Variants in RAD51B observed in about 807,000 individuals in gnomAD.
RAD51B encodes the protein DNA repair protein RAD51 homolog 2.
RAD51B carries 38 observed loss-of-function variants against 42.2 expected under a neutral mutation model. The observed-to-expected ratio is 0.90, with a 90% CI of 0.70 to 1.18. The LOEUF (loss-of-function observed/expected upper bound fraction) is 1.18, where lower values mean the gene tolerates loss of function less well. RAD51B is among the 50% of genes most tolerant of loss of function. The probability of loss-of-function intolerance (pLI) is 0.00; values close to 1 mark genes in which losing one functional copy is unlikely to be tolerated. For missense variants in RAD51B, 373 were observed against 400.7 expected, an observed-to-expected ratio of 0.93 and a Z score of 0.59; for synonymous variants, 154 against 145.2, an observed-to-expected ratio of 1.06 and a Z score of -0.43.
chr14:67,836,206 A>G (rs1240814240), intron 4 of RAD51B, among the ~76,000 whole-genome samples: 1 of 152,094 alleles, frequency 6.6e-6, no homozygotes, highest in East Asian at 1.9e-4. Flanking sequence ...GGGCTGTAGG[A>G]TCTGTTTCTG....
intron 10 of RAD51B, among the ~76,000 whole-genome samples, chr14:68,471,696 A>AG (rs1364845812): frequency 6.7e-6 from 1 of 150,080 alleles, no homozygotes; most frequent in Non-Finnish European, 1.5e-5. Context: ...CCTTTTGCAA[A>AG]AAAAAAAAAA....
intron 7 of RAD51B, among the ~76,000 whole-genome samples, chr14:67,995,455 C>G (rs1485580825): frequency 2.0e-5 from 3 of 152,098 alleles, no homozygotes; most frequent in Non-Finnish European, 4.4e-5. Flanking sequence ...ACTAAGTCAT[C>G]TACTCCACAT....
intron 7 of RAD51B, among the ~76,000 whole-genome samples, chr14:67,955,878 G>T (rs2074536968): frequency 1.3e-5 from 2 of 152,202 alleles, no homozygotes; most frequent in African/African-American, 2.4e-5. Context: ...ATGAAGATGG[G>T]ATTGGGGTAG....
rs17105024 is a variant in RAD51B, at chr14:68,135,669, C to A, written c.757-156215C>A. ...GAATCTTCCTCATTCATCCAAAACGCAACATGTCCAAATCTTAGTGAATGC... is the reference window on the plus strand; with the variant it reads ...GAATCTTCCTCATTCATCCAAAACGAAACATGTCCAAATCTTAGTGAATGC... On this transcript the variant is annotated intron_variant, in intron 7 of 10. Coordinates refer to ENST00000471583, the MANE Select transcript of RAD51B (RefSeq NM_133510.4). 2.6e-3 allele frequency among the ~76,000 whole-genome samples: 391 copies of A among 152,296 alleles called. 2 individuals carry two copies. Among genetic ancestry groups the A allele is most frequent in the African/African-American group, 9.1e-3 (378 of 41,560 alleles).
At chr14:68,395,374 AG>A (rs1008909688) in intron 8 of RAD51B, among the ~76,000 whole-genome samples, 4 of 152,002 alleles carry the variant, frequency 2.6e-5, no homozygotes, top group Non-Finnish European at 5.9e-5. Context: ...TGTCTTGTGG[AG>A]GGGGTAGTCT....
At chr14:68,608,242 C>G (rs1231125674) in intron 10 of RAD51B, among the ~76,000 whole-genome samples, 2 of 152,368 alleles carry the variant, frequency 1.3e-5, no homozygotes, top group Non-Finnish European at 2.9e-5. Context: ...CAACTCCAAA[C>G]TGAAGCTCAC....
At chr14:68,513,289 G>A (rs1184513960) in intron 10 of RAD51B, among the ~76,000 whole-genome samples, 1 of 152,244 alleles carries the variant, frequency 6.6e-6, no homozygotes, top group African/African-American at 2.4e-5. Flanking sequence ...TGCTTCCAGT[G>A]GGAACTGTTG....
chr14:67,993,248 A>C (rs35092949), intron 7 of RAD51B, among the ~76,000 whole-genome samples: 1,572 of 152,166 alleles, frequency 0.01, 26 homozygotes, highest in African/African-American at 0.036. Context: ...ATTGTAAACT[A>C]TACTCACCCT....
intron 4 of RAD51B, among the ~76,000 whole-genome samples, chr14:67,864,606 T>G (rs1288352928): frequency 6.6e-6 from 1 of 152,216 alleles, no homozygotes; most frequent in Non-Finnish European, 1.5e-5. Flanking sequence ...CAACCATTTA[T>G]TAAAGACTCT....
chr14:68,405,443 TA>T (rs372092943), intron 8 of RAD51B, among the ~76,000 whole-genome samples: 5,260 of 151,762 alleles, frequency 0.035, 109 homozygotes, highest in African/African-American at 0.044. Flanking sequence ...ACCCTTTCTC[TA>T]AAAAAAAATT....
chr14:68,627,579 C>A (rs1892117160), intron 10 of RAD51B, among the ~76,000 whole-genome samples: 1 of 152,186 alleles, frequency 6.6e-6, no homozygotes, highest in Non-Finnish European at 1.5e-5. Context: ...TCTCACCCAT[C>A]TGAATAATTC....
chr14:68,123,167 TTTCTTTTC>T (rs966180878), intron 7 of RAD51B, among the ~76,000 whole-genome samples: 1 of 151,906 alleles, frequency 6.6e-6, no homozygotes, highest in African/African-American at 2.4e-5. Flanking sequence ...GGAATGATCT[TTTCTTTTC>T]TTTTTTTCTT....
downstream of RAD51B, chr14:68,611,597 C>T (rs1225950306): frequency 2.7e-6 from 1 of 371,706 alleles, no homozygotes; most frequent in Non-Finnish European, 5.0e-6. Flanking sequence ...AACAAATCAA[C>T]AAATTAGTGT....
chr14:68,026,523 G>A (rs2075959355), intron 7 of RAD51B, among the ~76,000 whole-genome samples: 1 of 151,938 alleles, frequency 6.6e-6, no homozygotes, highest in Admixed American at 6.6e-5. Context: ...ATGAATCTCG[G>A]TGCTCCAGTG....
intron 7 of RAD51B, among the ~76,000 whole-genome samples, chr14:68,128,542 A>T (rs1353627300): frequency 6.6e-6 from 1 of 152,094 alleles, no homozygotes. Context: ...AAATACAAAA[A>T]ATAGCTGGGT....
intron 9 of RAD51B, among the ~76,000 whole-genome samples, chr14:68,467,904 A>C (rs2086023676): frequency 6.6e-6 from 1 of 152,250 alleles, no homozygotes; most frequent in African/African-American, 2.4e-5. Context: ...GTTATAAAAT[A>C]ATGAGACTTA....
intron 8 of RAD51B, among the ~76,000 whole-genome samples, chr14:68,312,361 A>G (rs2081981385): frequency 6.6e-6 from 1 of 152,214 alleles, no homozygotes; most frequent in African/African-American, 2.4e-5. Context: ...AGTTTAAAAC[A>G]TGTTGCAGGC....
At chr14:68,257,151 A>G (rs2080769874) in intron 7 of RAD51B, among the ~76,000 whole-genome samples, 1 of 152,236 alleles carries the variant, frequency 6.6e-6, no homozygotes. Context: ...TGGAATAGGC[A>G]AATTCATAGA....
chr14:68,077,599 G>C (rs192865203), intron 7 of RAD51B, among the ~76,000 whole-genome samples: 1 of 152,066 alleles, frequency 6.6e-6, no homozygotes, highest in African/African-American at 2.4e-5. Context: ...ACCCCAATCC[G>C]TTCTCCCCAA....
Sources: allele counts gnomAD v4.1 joint callset (sites outside exome capture counted in the v4.1 genomes callset), GRCh38; gene constraint gnomAD v4.1.1; transcripts MANE v1.5; gene names NCBI Gene and HGNC (gene_info 2026-07-23, HGNC 2026-07-21).